Variants in MALRD1 observed in about 807,000 individuals in gnomAD.
MALRD1 encodes MAM and LDL receptor class A domain containing 1.
MALRD1 carries 247 observed loss-of-function variants against 242.1 expected under a neutral mutation model. The observed-to-expected ratio is 1.02, with a 90% confidence interval of 0.92 to 1.13. The LOEUF is 1.13. Ranked by LOEUF, MALRD1 falls within the 50% of genes most tolerant of loss-of-function variation. The pLI is 0.00. For missense variants in MALRD1, 2,989 were observed against 2,533.1 expected (o/e 1.18, Z -3.86); for synonymous variants, 995 against 866.6 (o/e 1.15, Z -2.60).
At chr10:19,122,008 A>C (rs144503819) in intron 5 of MALRD1, among the ~76,000 whole-genome samples, 9 of 152,350 alleles carry the variant, frequency 5.9e-5, no homozygotes, top group Non-Finnish European at 1.3e-4. Context: ...TTGTGAACAA[A>C]GTGAAATCTG....
chr10:19,289,593 T>C (rs377431053), intron 21 of MALRD1, among the ~76,000 whole-genome samples: 1 of 152,174 alleles, frequency 6.6e-6, no homozygotes, highest in East Asian at 1.9e-4. Context: ...TCTTCTTTTC[T>C]CTCTAGGCTC....
rs1342690536 is a variant in MALRD1, at chr10:19,389,476, C to G, written c.4712C>G (p.Thr1571Ser). 5 of 1,550,440 alleles carry G rather than the reference C, an allele frequency of 3.2e-6. No individual in the cohort carries two copies. The highest frequency in any genetic ancestry group is 1.7e-6 in the Non-Finnish European group (2 of 1,146,938). ...GGGCACTTCATGTATCTGGAAGCTA[C>G]TGCAGTGGGCCTTCGGGGTGACAAA... ...ENGHFMYLEATAVGLRGDKAH... is the reference protein window; with the variant it reads ...ENGHFMYLEASAVGLRGDKAH... Residue 1571 changes from threonine (T) to serine (S), a missense_variant, in exon 28 of 40, where the codon ACT becomes AGT. Physicochemically the swap from Thr to Ser is moderately conservative, Grantham distance 58 (BLOSUM62 1). Transcript: ENST00000454679.
Position 19,673,387 on chromosome 10 carries a change from AAAAT to A in MALRD1, c.6138-18879_6138-18876del, listed in dbSNP as rs565854578. Among the ~76,000 whole-genome samples, 82 of 152,266 alleles carry A rather than the reference AAAAT, an allele frequency of 5.4e-4. No homozygotes were observed. In the South Asian group the frequency reaches 0.016, roughly 29 times the overall value. ...GGGTGACAGAGTGGGACTCCGTCTC[AAAAT>A]AAATAAATAAATAAAATTTTTTGCC... On this transcript the variant is annotated intron_variant, in intron 36 of 39. Coordinates refer to ENST00000454679, the MANE Select transcript of MALRD1 (RefSeq NM_001142308.3).
chr10:19,407,343 G>A (rs1833072416), intron 28 of MALRD1, among the ~76,000 whole-genome samples: 1 of 152,202 alleles, frequency 6.6e-6, no homozygotes, highest in African/African-American at 2.4e-5. Flanking sequence ...ATAGCCAGAT[G>A]TGGTGGTGTG....
intron 28 of MALRD1, among the ~76,000 whole-genome samples, chr10:19,415,739 A>AAGAG (rs1195981922): frequency 2.0e-5 from 3 of 152,304 alleles, no homozygotes; most frequent in Non-Finnish European, 2.9e-5. Flanking sequence ...TTTCATATCA[A>AAGAG]AGAGAGACAA....
intron 18 of MALRD1, among the ~76,000 whole-genome samples, chr10:19,237,600 T>TTA (rs1838393694): frequency 1.8e-4 from 1 of 5,656 alleles, no homozygotes; most frequent in South Asian, 6.7e-3. Context: ...AATTATATAA[T>TTA]TATAATTATA....
chr10:19,443,041 G>A (rs1214793571), intron 28 of MALRD1, among the ~76,000 whole-genome samples: 2 of 152,114 alleles, frequency 1.3e-5, no homozygotes, highest in African/African-American at 4.8e-5. Flanking sequence ...TCCTGGTTTA[G>A]TCTGGGAGAG....
intron 4 of MALRD1, among the ~76,000 whole-genome samples, chr10:19,099,095 A>G (rs1169219492): frequency 1.3e-5 from 2 of 152,174 alleles, no homozygotes; most frequent in African/African-American, 4.8e-5. Context: ...TGGTAATAAA[A>G]GGGAAGACGG....
In MALRD1 at chr10:19,335,046, C is replaced by T. The variant is rs193030887; in HGVS notation, c.3901+3464C>T. 3.9e-3 allele frequency among the ~76,000 whole-genome samples: 599 copies of T among 152,122 alleles called. 1 individual carries two copies. Among genetic ancestry groups the T allele is most frequent in the Non-Finnish European group, 5.8e-3 (395 of 67,976 alleles). ...ACGTATGCTGATTTACCAAGGGAAT[C>T]GGAAACATATTAAAAACATACTGTC... On this transcript the variant is annotated intron_variant, in intron 24 of 39. Coordinates refer to ENST00000454679, the MANE Select transcript of MALRD1 (RefSeq NM_001142308.3).
At chr10:19,497,273 T>G (rs1175925794) in intron 30 of MALRD1, among the ~76,000 whole-genome samples, 1 of 151,180 alleles carries the variant, frequency 6.6e-6, no homozygotes, top group Non-Finnish European at 1.5e-5. Flanking sequence ...GTCTCATTTT[T>G]TATCCATATC....
chr10:19,149,531 G>T (rs1272576216), intron 11 of MALRD1, among the ~76,000 whole-genome samples: 2 of 151,880 alleles, frequency 1.3e-5, no homozygotes, highest in Non-Finnish European at 2.9e-5. Flanking sequence ...ATATATAGTA[G>T]ATACATACAT....
At chr10:19,410,057 CA>C (rs1833210079) in intron 28 of MALRD1, among the ~76,000 whole-genome samples, 1 of 152,054 alleles carries the variant, frequency 6.6e-6, no homozygotes. Flanking sequence ...ATTGACATTT[CA>C]GGTTTTAGTT....
intron 26 of MALRD1, among the ~76,000 whole-genome samples, chr10:19,376,489 T>G (rs1238107250): frequency 6.6e-6 from 1 of 151,650 alleles, no homozygotes; most frequent in African/African-American, 2.4e-5. Flanking sequence ...CTGTGTACCA[T>G]TTGAACAAAC....
chr10:19,576,964 G>GTTTTTTTTT (rs11331552), intron 33 of MALRD1, among the ~76,000 whole-genome samples: 1 of 123,414 alleles, frequency 8.1e-6, no homozygotes, highest in Non-Finnish European at 1.7e-5. Flanking sequence ...CCACATTGTC[G>GTTTTTTTTT]TTTTTTTTTT....
chr10:19,494,016 G>A (rs1482770750), intron 30 of MALRD1, among the ~76,000 whole-genome samples: 1 of 152,122 alleles, frequency 6.6e-6, no homozygotes, highest in Non-Finnish European at 1.5e-5. Context: ...GCACTCAGGT[G>A]GAAGAGGAGC....
Position 19,218,580 on chromosome 10 carries a change from G to A in MALRD1, c.2991+8900G>A, listed in dbSNP as rs570198110. Among the ~76,000 whole-genome samples, 242 of 152,108 alleles carry A rather than the reference G, an allele frequency of 1.6e-3. 1 individual carries two copies. Among genetic ancestry groups the A allele is most frequent in the South Asian group, 5.2e-3 (25 of 4,810 alleles). ...ATACAGGAGATAGACTGTTTTCCAG[G>A]TGTAAGCTCAGTCATATAATTAGAA... On this transcript the variant is annotated intron_variant, in intron 18 of 39. Coordinates refer to ENST00000454679, the MANE Select transcript of MALRD1 (RefSeq NM_001142308.3).
intron 12 of MALRD1, among the ~76,000 whole-genome samples, chr10:19,156,673 T>C (rs1834159304): frequency 6.6e-6 from 1 of 152,208 alleles, no homozygotes; most frequent in Admixed American, 6.5e-5. Context: ...GAAATTCCTA[T>C]GACTCACCTA....
chr10:19,535,536 C>CATATATACATGTGTATATGT, intron 32 of MALRD1, among the ~76,000 whole-genome samples: 2 of 147,866 alleles, frequency 1.4e-5, no homozygotes, highest in Non-Finnish European at 3.0e-5. Flanking sequence ...TATGTATATA[C>CATATATACATGTGTATATGT]ATATACATAT....
intron 12 of MALRD1, among the ~76,000 whole-genome samples, chr10:19,165,266 T>TATATATATATATATATATATATA (rs1554801500): frequency 1.1e-3 from 123 of 116,086 alleles, no homozygotes; most frequent in South Asian, 2.2e-3. Flanking sequence ...TATATATATA[T>TATATATATATATATATATATATA]TTTGTTTTGT....
Sources: gnomAD v4.1 joint callset for allele counts (sites outside exome capture counted in the v4.1 genomes callset) on GRCh38, gnomAD v4.1.1 for gene constraint, MANE v1.5 for transcripts, NCBI Gene and HGNC (gene_info 2026-07-23, HGNC 2026-07-21) for gene names.